USP3: variants seen among roughly 807,000 people sequenced by gnomAD.
USP3 encodes ubiquitin specific peptidase 3, also known as ubiquitin carboxyl-terminal hydrolase 3.
In USP3, 20 loss-of-function variants were observed where a neutral mutation model predicts 72.3. The ratio of observed to expected loss-of-function variants is 0.28; its 90% CI spans 0.19 to 0.40. The LOEUF is 0.40. Among genes scored for constraint, USP3 ranks in the 10% least tolerant of loss-of-function variants. The probability of loss-of-function intolerance (pLI) is 1.00; values close to 1 mark genes in which losing one functional copy is unlikely to be tolerated. For missense variants in USP3, 479 were observed against 633.9 expected (o/e 0.76, Z 2.62); for synonymous variants, 222 against 225.3 (o/e 0.99, Z 0.13).
intron 9 of USP3, among the ~76,000 whole-genome samples, chr15:63,573,216 G>T (rs2152678718): frequency 6.6e-6 from 1 of 152,252 alleles, no homozygotes; most frequent in East Asian, 1.9e-4. Context: ...TAAAATAGTG[G>T]CAAACACTTT....
At chr15:63,547,866 TAGAGAG>T (rs112905081) in intron 3 of USP3, among the ~76,000 whole-genome samples, 307 of 20,888 alleles carry the variant, frequency 0.015, 12 homozygotes, top group East Asian at 0.051. Flanking sequence ...GAGAGAGGCA[TAGAGAG>T]AGAGAGAGAG....
intron 1 of USP3, among the ~76,000 whole-genome samples, chr15:63,519,965 C>T (rs117967277): frequency 5.0e-4 from 76 of 152,170 alleles, no homozygotes; most frequent in Admixed American, 6.5e-4. Flanking sequence ...GGGCACGCGC[C>T]GTCATTCTTT....
intron 3 of USP3, among the ~76,000 whole-genome samples, chr15:63,552,529 C>T (rs1000680866): frequency 3.3e-5 from 5 of 152,238 alleles, no homozygotes; most frequent in African/African-American, 9.6e-5. Flanking sequence ...TGACTTTAGA[C>T]GCTCGGAGAA....
chr15:63,580,044 G>T (rs563134183), intron 11 of USP3, among the ~76,000 whole-genome samples: 4 of 152,176 alleles, frequency 2.6e-5, no homozygotes, highest in South Asian at 4.2e-4. Flanking sequence ...ATGTGTAAAA[G>T]ATTTTAAACA....
chr15:63,578,436 C>G (rs145797226), intron 11 of USP3, among the ~76,000 whole-genome samples: 1 of 150,038 alleles, frequency 6.7e-6, no homozygotes, highest in African/African-American at 2.5e-5. Context: ...AACCCCGTCT[C>G]TACTAAAAAT....
chr15:63,532,044 C>T (rs1042714053), intron 1 of USP3, among the ~76,000 whole-genome samples: 9 of 152,122 alleles, frequency 5.9e-5, no homozygotes, highest in Non-Finnish European at 1.0e-4. Context: ...ATCAATATTT[C>T]ATTTCCATAC....
intron 1 of USP3, among the ~76,000 whole-genome samples, chr15:63,531,203 A>G (rs755866210): frequency 6.6e-6 from 1 of 152,170 alleles, no homozygotes; most frequent in Non-Finnish European, 1.5e-5. Context: ...CTCTCATGCA[A>G]ATATAGGATG....
Position 63,570,343 on chromosome 15 carries a change from G to A in USP3, c.762-90G>A, listed in dbSNP as rs1045631020. 104 of 1,567,056 alleles carry A rather than the reference G, an allele frequency of 6.6e-5. No individual in the cohort carries two copies. The highest frequency in any genetic ancestry group is 8.6e-5 in the Non-Finnish European group (99 of 1,152,032). On this transcript the variant is annotated intron_variant, in intron 8 of 14. Transcript: ENST00000380324. This position sits in a 1 kb window ranked among gnomAD's most constrained non-coding sequence, Gnocchi z 4.4. ...CTGTGCTTGTGAGCACGGGGCTGCC[G>A]TCCTTTTCCACGCCTTGGCCTCTTG... is the stretch of plus-strand genomic sequence containing the variant.
intron 4 of USP3, among the ~76,000 whole-genome samples, chr15:63,554,576 A>G (rs556870750): frequency 6.6e-6 from 1 of 152,320 alleles, no homozygotes; most frequent in Admixed American, 6.5e-5. Flanking sequence ...TTGGCAGTTG[A>G]TGTGTAGAAG....
chr15:63,586,849 T>C (rs2067075727), intron 11 of USP3: 1 of 152,168 alleles, frequency 6.6e-6, no homozygotes, highest in Admixed American at 6.5e-5. Context: ...GAGAATTGAA[T>C]TGAGTTGCAG....
chr15:63,561,031 G>C (rs2152673399), intron 7 of USP3, among the ~76,000 whole-genome samples: 1 of 152,132 alleles, frequency 6.6e-6, no homozygotes, highest in African/African-American at 2.4e-5. Flanking sequence ...AGGGAAACTG[G>C]AAAGCCAGGC....
intron 1 of USP3, among the ~76,000 whole-genome samples, chr15:63,531,586 AT>A (rs999261394): frequency 6.6e-6 from 1 of 151,612 alleles, no homozygotes; most frequent in South Asian, 2.1e-4. Context: ...GTTTCGGTTA[AT>A]TTTTTTTTAA....
chr15:63,530,997 A>C (rs1334589743), intron 1 of USP3, among the ~76,000 whole-genome samples: 1 of 152,226 alleles, frequency 6.6e-6, no homozygotes, highest in Admixed American at 6.5e-5. Context: ...AAATGCCTTC[A>C]GTGCCTTCAA....
At chr15:63,565,283 G>A (rs796535797) in intron 8 of USP3, among the ~76,000 whole-genome samples, 3 of 152,212 alleles carry the variant, frequency 2.0e-5, no homozygotes, top group African/African-American at 7.2e-5. Flanking sequence ...AAATCATTAA[G>A]CCTATTCTTT....
intron 8 of USP3, among the ~76,000 whole-genome samples, chr15:63,568,168 A>C (rs185606800): frequency 6.6e-6 from 1 of 152,016 alleles, no homozygotes; most frequent in African/African-American, 2.4e-5. Flanking sequence ...CCTGGTCAAC[A>C]TGGTGAAACC....
At position 63,537,138 on chromosome 15, in the gene USP3, G is replaced by A. The variant is rs762908480; in HGVS notation, c.266G>A (p.Ser89Asn). The change falls in exon 3 of 15, where the codon AGT (serine) becomes AAT (asparagine). Residue 89 changes from serine (S) to asparagine (N), a missense_variant. Ser to Asn is a conservative substitution (Grantham distance 46). Coordinates refer to ENST00000380324, the MANE Select transcript of USP3 (RefSeq NM_006537.4). The stretch of plus-strand genomic sequence containing the variant: ...CAGCACACAGTATGTATGGATTGCA[G>A]TAGCTACAGTACATACTGGTAAGTT... The part of the protein sequence containing the change: ...KVQHTVCMDC[S>N]SYSTYCYRCD... 1.2e-6 allele frequency: 2 copies of A among 1,613,758 alleles called. No homozygotes were observed. Among genetic ancestry groups the A allele is most frequent in the Non-Finnish European group, 1.7e-6 (2 of 1,179,864 alleles).
chr15:63,552,734 C>T (rs1055789394), intron 3 of USP3, among the ~76,000 whole-genome samples: 3 of 148,740 alleles, frequency 2.0e-5, no homozygotes, highest in African/African-American at 5.2e-5. Flanking sequence ...CTTTCTCTCT[C>T]TTTCTTTCTC....
Position 63,581,345 on chromosome 15 carries a change from T to TTGTGTGTG in USP3, c.1097-6912_1097-6905dup, listed in dbSNP as rs59188081. Reference sequence around the variant, plus strand: ...TTTATATGTATGTTTGTGTTGGTTTTTGTGTGTGTGTGTGTGTGTGTGTGT... The same window carrying TTGTGTGTG: ...TTTATATGTATGTTTGTGTTGGTTTTTGTGTGTGTGTGTGTGTGTGTGTGTGTGTGTGT... On this transcript the variant is annotated intron_variant, in intron 11 of 14. Coordinates refer to ENST00000380324, the MANE Select transcript of USP3 (RefSeq NM_006537.4). Among the ~76,000 whole-genome samples, 157 of 130,170 alleles carry TTGTGTGTG rather than the reference T, an allele frequency of 1.2e-3. 1 individual carries two copies. Among genetic ancestry groups the TTGTGTGTG allele is most frequent in the East Asian group, 3.9e-3 (15 of 3,828 alleles). 85.4% of individuals were successfully genotyped at this position (130,170 alleles called of 152,430 possible).
At position 63,505,755 on chromosome 15, in the gene USP3, C is replaced by A. The variant is rs541572800; in HGVS notation, c.91+925C>A. On this transcript the variant is annotated intron_variant, in intron 1 of 14. Transcript: ENST00000380324. ...CTTCCTGGTAGGGCCCTGGTGCCACCGCTAGTCTTTGTTTATTAGCTTTGA... is the reference window on the plus strand; with the variant it reads ...CTTCCTGGTAGGGCCCTGGTGCCACAGCTAGTCTTTGTTTATTAGCTTTGA... Among the ~76,000 whole-genome samples, 3 of 152,244 alleles carry A rather than the reference C, an allele frequency of 2.0e-5. No individual in the cohort carries two copies. The South Asian group carries it at 6.2e-4, about 32-fold the overall frequency.
Sources: gnomAD v4.1 joint callset for allele counts (sites outside exome capture counted in the v4.1 genomes callset) on GRCh38, gnomAD v4.1.1 for gene constraint, Gnocchi (gnomAD v3.1) non-coding constraint, MANE v1.5 for transcripts, NCBI Gene and HGNC (gene_info 2026-07-23, HGNC 2026-07-21) for gene names.